The following LAMA3 variants were observed in gnomAD, a reference collection of about 807,000 sequenced individuals.
The protein encoded by LAMA3 is laminin subunit alpha 3, also known as laminin subunit alpha-3.
In LAMA3, 281 loss-of-function variants were observed where a neutral mutation model predicts 402.0. The ratio of observed to expected loss-of-function variants is 0.70; its 90% CI spans 0.63 to 0.77. The LOEUF (loss-of-function observed/expected upper bound fraction) is 0.77. Among genes scored for constraint, LAMA3 ranks in the 30% least tolerant of loss-of-function variants. The probability of loss-of-function intolerance (pLI) is 0.00; values close to 1 mark genes in which losing one functional copy is unlikely to be tolerated. For missense variants in LAMA3, 3,840 were observed against 4,215.5 expected, an observed-to-expected ratio of 0.91 and a Z score of 2.47; for synonymous variants, 1,431 against 1,558.4, an observed-to-expected ratio of 0.92 and a Z score of 1.93.
chr18:23,848,985 C>G (rs912720728), intron 32 of LAMA3, among the ~76,000 whole-genome samples: 1 of 152,164 alleles, frequency 6.6e-6, no homozygotes, highest in African/African-American at 2.4e-5. Flanking sequence ...TGGCGTTTCC[C>G]TCTCTGTACG....
At chr18:23,901,905 G>A (rs901407601) in intron 48 of LAMA3, among the ~76,000 whole-genome samples, 23 of 152,196 alleles carry the variant, frequency 1.5e-4, no homozygotes, top group Non-Finnish European at 2.5e-4. Flanking sequence ...TGTTGGCTAG[G>A]CTGGTCTCGA....
At chr18:23,753,850 G>T (rs997070424) in intron 6 of LAMA3, 38 bp downstream of exon 6, 2 of 1,338,212 alleles carry the variant, frequency 1.5e-6, no homozygotes, top group Admixed American at 3.4e-5. Context: ...GCCTTACTAT[G>T]ATTAAGTCTA....
chr18:23,894,863 G>GCTCCCCCCACA, intron 43 of LAMA3, 44 bp from the exon 44 acceptor site: 1 of 1,613,426 alleles, frequency 6.2e-7, no homozygotes, highest in Non-Finnish European at 8.5e-7. Flanking sequence ...GCAGTCCCAC[G>GCTCCCCCCACA]GCTCCCCCCA....
At chr18:23,775,062 A>G (rs969187163) in intron 9 of LAMA3, among the ~76,000 whole-genome samples, 1 of 152,178 alleles carries the variant, frequency 6.6e-6, no homozygotes, top group Admixed American at 6.5e-5. Flanking sequence ...AACTAAATTA[A>G]GCAAAGGACA....
At chr18:23,796,433 GC>G (rs2062764927) in intron 12 of LAMA3, among the ~76,000 whole-genome samples, 1 of 152,156 alleles carries the variant, frequency 6.6e-6, no homozygotes, top group African/African-American at 2.4e-5. Flanking sequence ...AAATCAAGGT[GC>G]CATAGCCAAG....
intron 25 of LAMA3, 35 bp downstream of exon 25, chr18:23,837,124 C>A: frequency 7.1e-7 from 1 of 1,411,936 alleles, no homozygotes. Flanking sequence ...ATTTTAGAAG[C>A]ATTTTGCTGA....
chr18:23,707,156 C>T (rs1035529811), intron 1 of LAMA3, among the ~76,000 whole-genome samples: 9 of 152,234 alleles, frequency 5.9e-5, no homozygotes, highest in African/African-American at 2.2e-4. Context: ...GATTCTTCTG[C>T]TCCATGGGTT....
chr18:23,749,320 G>A, intron 3 of LAMA3, 108 bp from the exon 4 acceptor site: 1 of 683,512 alleles, frequency 1.5e-6, no homozygotes, highest in Admixed American at 2.7e-5. Context: ...ATGCCTTTCT[G>A]TTTTTTCTTT....
At chr18:23,762,018 A>G (rs967949486) in intron 7 of LAMA3, among the ~76,000 whole-genome samples, 1 of 152,056 alleles carries the variant, frequency 6.6e-6, no homozygotes, top group Non-Finnish European at 1.5e-5. Context: ...GTAGTTGGAG[A>G]TCAGCCTGGA....
chr18:23,928,493 T>C (rs1200800125), intron 63 of LAMA3, 132 bp from the exon 64 acceptor site: 1 of 979,760 alleles, frequency 1.0e-6, no homozygotes, highest in Non-Finnish European at 1.6e-6. Context: ...TGCAGAAAAG[T>C]AAGCTCTCTT....
At chr18:23,829,036 C>T (rs1469120986) in intron 23 of LAMA3, among the ~76,000 whole-genome samples, 1 of 152,032 alleles carries the variant, frequency 6.6e-6, no homozygotes, top group Non-Finnish European at 1.5e-5. Context: ...TGGGATAATA[C>T]CCTATAATCA....
chr18:23,755,726 G>C (rs1362650636), intron 6 of LAMA3, among the ~76,000 whole-genome samples: 1 of 152,170 alleles, frequency 6.6e-6, no homozygotes, highest in Non-Finnish European at 1.5e-5. Context: ...ATTTCACTAT[G>C]ATCATAAGCT....
At chr18:23,714,845 C>T (rs960627089) in intron 2 of LAMA3, among the ~76,000 whole-genome samples, 3 of 152,102 alleles carry the variant, frequency 2.0e-5, no homozygotes, top group Non-Finnish European at 2.9e-5. Context: ...TTTCTCCTGC[C>T]GCTCGCAGCC....
intron 14 of LAMA3, among the ~76,000 whole-genome samples, chr18:23,814,115 C>T (rs1220899880): frequency 6.6e-6 from 1 of 152,224 alleles, no homozygotes; most frequent in Admixed American, 6.5e-5. Flanking sequence ...TATCAACAGA[C>T]ACTGACAATG....
chr18:23,829,310 T>C (rs1002333432), intron 23 of LAMA3, among the ~76,000 whole-genome samples: 1 of 152,242 alleles, frequency 6.6e-6, no homozygotes, highest in African/African-American at 2.4e-5. Flanking sequence ...TCATCTCTGA[T>C]TATTTTGTTA....
At position 23,828,389 on chromosome 18, in the gene LAMA3, A is replaced by G. The variant is rs533975530; in HGVS notation, c.2823+922A>G. ...TACGAAATAATATTTACTTGTAACA[A>G]GTAAAACAATATAGATATGCATAAA... On this transcript the variant is annotated intron_variant, in intron 23 of 74. Transcript: ENST00000313654. Among the ~76,000 whole-genome samples the G allele has an allele frequency of 8.5e-5, 13 of 152,342 alleles. No homozygotes were observed. The South Asian group carries it at 2.5e-3, about 29-fold the overall frequency.
At chr18:23,873,209 C>T (rs1233671963) in intron 38 of LAMA3, 1 of 1,613,832 alleles carries the variant, frequency 6.2e-7, no homozygotes, top group Non-Finnish European at 8.5e-7. Context: ...AGTTTAGACC[C>T]AGCCAGGTAA....
At chr18:23,813,692 C>T (rs1260879885) in intron 14 of LAMA3, among the ~76,000 whole-genome samples, 1 of 151,784 alleles carries the variant, frequency 6.6e-6, no homozygotes, top group African/African-American at 2.4e-5. Context: ...CAGGCACGCC[C>T]CACCACACCT....
At chr18:23,884,507 C>T (rs979086285) in intron 40 of LAMA3, among the ~76,000 whole-genome samples, 3 of 152,100 alleles carry the variant, frequency 2.0e-5, no homozygotes, top group African/African-American at 7.2e-5. Context: ...TTACTCTGCT[C>T]TGTCTTAAGG....
Sources: allele counts gnomAD v4.1 joint callset (sites outside exome capture counted in the v4.1 genomes callset), GRCh38; gene constraint gnomAD v4.1.1; transcripts MANE v1.5; gene names NCBI Gene and HGNC (gene_info 2026-07-23, HGNC 2026-07-21).